Variants in KCTD1 observed in about 807,000 individuals in gnomAD.
KCTD1 encodes potassium channel tetramerization domain containing 1, also known as BTB/POZ domain-containing protein KCTD1.
A neutral mutation model predicts 66.0 loss-of-function variants in KCTD1; 24 were observed. That is an observed-to-expected ratio of 0.36 (90% CI 0.26 to 0.51). The LOEUF (loss-of-function observed/expected upper bound fraction) is 0.51, where lower values mean the gene tolerates loss of function less well. Ranked by LOEUF, KCTD1 falls within the 20% of genes least tolerant of loss-of-function variation. KCTD1 has a pLI of 0.95. For missense variants in KCTD1, 943 were observed against 1,205.2 expected, an observed-to-expected ratio of 0.78 and a Z score of 3.22; for synonymous variants, 511 against 517.2, an observed-to-expected ratio of 0.99 and a Z score of 0.16.
chr18:26,515,936 T>C (rs1292330387), intron 1 of KCTD1, among the ~76,000 whole-genome samples: 3 of 152,170 alleles, frequency 2.0e-5, no homozygotes, highest in Non-Finnish European at 4.4e-5. Context: ...TTTCATTAGA[T>C]GTTTTTTTAA....
chr18:26,462,843 C>A (rs1352737130), intron 3 of KCTD1, among the ~76,000 whole-genome samples: 2 of 152,158 alleles, frequency 1.3e-5, no homozygotes, highest in African/African-American at 2.4e-5. Flanking sequence ...GGTTCTCTGG[C>A]CTTGTGCTTA....
chr18:26,611,794 T>C (rs1330557987), intron 1 of KCTD1, among the ~76,000 whole-genome samples: 15 of 152,220 alleles, frequency 9.9e-5, no homozygotes, highest in Admixed American at 9.8e-4. Context: ...CCAGACATTG[T>C]GAATTTTACT....
intron 2 of KCTD1, among the ~76,000 whole-genome samples, chr18:26,484,888 G>A (rs1981836029): frequency 6.6e-6 from 1 of 152,176 alleles, no homozygotes; most frequent in South Asian, 2.1e-4. Context: ...CTGAAGGGAG[G>A]CCACGGAGGC....
At chr18:26,550,652 G>A (rs188915682), upstream of KCTD1, among the ~76,000 whole-genome samples, 11 of 151,640 alleles carry the variant, frequency 7.3e-5, no homozygotes, top group Admixed American at 7.2e-4. The surrounding 1 kb of genome is among the most constrained non-coding windows in gnomAD (Gnocchi z 5.4). Flanking sequence ...TCCGGGAATC[G>A]TCCCCGAGGT....
intron 1 of KCTD1, among the ~76,000 whole-genome samples, chr18:26,527,054 TG>T (rs1233621599): frequency 2.6e-5 from 4 of 152,110 alleles, no homozygotes; most frequent in Admixed American, 2.6e-4. Context: ...GCCCTCTGCC[TG>T]GGACATTATC....
At chr18:26,456,827 C>T (rs1362302374) in intron 4 of KCTD1, 1 of 151,118 alleles carries the variant, frequency 6.6e-6, no homozygotes, top group Middle Eastern at 3.4e-3. Flanking sequence ...TTTAGGAATC[C>T]AACAAATATT....
At chr18:26,621,182 G>T (rs925456017) in intron 1 of KCTD1, among the ~76,000 whole-genome samples, 6 of 152,180 alleles carry the variant, frequency 3.9e-5, no homozygotes, top group African/African-American at 1.4e-4. Context: ...TCTTTGGGGG[G>T]ATTTAGGGTA....
At chr18:26,568,227 T>C (rs889804073) in intron 1 of KCTD1, among the ~76,000 whole-genome samples, 11 of 151,618 alleles carry the variant, frequency 7.3e-5, no homozygotes, top group Middle Eastern at 3.4e-3. Flanking sequence ...CATACAATTA[T>C]TGTATTTTTT....
At chr18:26,611,060 C>T (rs1421870383) in intron 1 of KCTD1, among the ~76,000 whole-genome samples, 1 of 152,162 alleles carries the variant, frequency 6.6e-6, no homozygotes, top group Non-Finnish European at 1.5e-5. Flanking sequence ...GGCTCTCTCT[C>T]TCTCCTTTGG....
intron 3 of KCTD1, among the ~76,000 whole-genome samples, chr18:26,464,148 T>C (rs1980596192): frequency 6.6e-6 from 1 of 152,344 alleles, no homozygotes; most frequent in Non-Finnish European, 1.5e-5. Flanking sequence ...ACAAATTTAT[T>C]CCCTTACAGT....
At chr18:26,638,489 A>G (rs2145058643) in intron 1 of KCTD1, among the ~76,000 whole-genome samples, 1 of 152,364 alleles carries the variant, frequency 6.6e-6, no homozygotes, top group Non-Finnish European at 1.5e-5. Context: ...GAGGAGGCTT[A>G]GTTAGCAGCC....
intron 1 of KCTD1, among the ~76,000 whole-genome samples, chr18:26,598,462 CTCT>C (rs1049566356): frequency 2.7e-4 from 24 of 90,462 alleles, no homozygotes; most frequent in Admixed American, 2.3e-3. Flanking sequence ...GTTTTCAATT[CTCT>C]TTTTTTACAC....
At chr18:26,496,678 TGTAAAAGTCAATTTACTCAC>T (rs1250639357) in intron 2 of KCTD1, among the ~76,000 whole-genome samples, 1 of 151,974 alleles carries the variant, frequency 6.6e-6, no homozygotes, top group Non-Finnish European at 1.5e-5. Flanking sequence ...AACCTTGAGG[TGTAAAAGTCAATTTACTCAC>T]TGAATCATTA....
chr18:26,645,694 A>G (rs1237470508), intron 1 of KCTD1, among the ~76,000 whole-genome samples: 1 of 152,054 alleles, frequency 6.6e-6, no homozygotes, highest in East Asian at 1.9e-4. Flanking sequence ...TGCCGTGCCC[A>G]CCTGTGTGAA....
intron 1 of KCTD1, among the ~76,000 whole-genome samples, chr18:26,596,350 A>G (rs1189490299): frequency 6.6e-6 from 1 of 152,202 alleles, no homozygotes; most frequent in Non-Finnish European, 1.5e-5. Context: ...CATCTACAAG[A>G]CAGAAAGAGA....
intron 1 of KCTD1, among the ~76,000 whole-genome samples, chr18:26,527,706 C>T (rs934918109): frequency 6.6e-5 from 10 of 152,276 alleles, no homozygotes; most frequent in Admixed American, 3.3e-4. Context: ...AAATGTACCA[C>T]GCTGTTTCTA....
intron 1 of KCTD1, among the ~76,000 whole-genome samples, chr18:26,654,699 A>C (rs372922881): frequency 6.6e-6 from 1 of 152,182 alleles, no homozygotes; most frequent in African/African-American, 2.4e-5. Flanking sequence ...GCTGTGTGAC[A>C]TTTTTGCCTA....
chr18:26,628,848 C>G (rs1334887430), intron 1 of KCTD1, among the ~76,000 whole-genome samples: 1 of 152,158 alleles, frequency 6.6e-6, no homozygotes, highest in Non-Finnish European at 1.5e-5. Context: ...ATAATCACCA[C>G]AATTTGGTTT....
chr18:26,540,080 TG>T (rs906022221), intron 1 of KCTD1, among the ~76,000 whole-genome samples: 3 of 152,152 alleles, frequency 2.0e-5, no homozygotes, highest in African/African-American at 7.2e-5. Flanking sequence ...TCCTTTTTCT[TG>T]TGTTAAGACA....
Sources: gnomAD v4.1 joint callset for allele counts (sites outside exome capture counted in the v4.1 genomes callset) on GRCh38, gnomAD v4.1.1 for gene constraint, Gnocchi (gnomAD v3.1) non-coding constraint, MANE v1.5 for transcripts, NCBI Gene and HGNC (gene_info 2026-07-23, HGNC 2026-07-21) for gene names.